The following RSPH14 variants were observed in gnomAD, a reference collection of about 807,000 sequenced individuals.
The protein encoded by RSPH14 is radial spoke head 14 homolog, also known as rhabdoid tumor deletion region gene 1.
In RSPH14, 20 loss-of-function variants were observed where a neutral mutation model predicts 26.7. The ratio of observed to expected loss-of-function variants is 0.75; its 90% confidence interval spans 0.53 to 1.09. The LOEUF (loss-of-function observed/expected upper bound fraction) is 1.09. Among genes scored for constraint, RSPH14 ranks in the 50% least tolerant of loss-of-function variants. RSPH14 has a pLI of 0.00. For missense variants in RSPH14, 449 were observed against 457.2 expected (o/e 0.98, Z 0.16); for synonymous variants, 177 against 189.3 (o/e 0.93, Z 0.53).
the RSPH14 span, among the ~76,000 whole-genome samples, chr22:23,157,343 C>T: frequency 2.0e-5 from 3 of 152,062 alleles, no homozygotes; most frequent in South Asian, 2.1e-4. Flanking sequence ...CTCCGCCTCC[C>T]GCATTCACAA....
rs2069823822 is a variant in RSPH14, at chr22:23,116,043, AAAC to A, written c.421+17980_421+17982del. 3.3e-5 allele frequency among the ~76,000 whole-genome samples: 5 copies of A among 152,370 alleles called. No homozygotes were observed. In the South Asian group the frequency reaches 1.0e-3, roughly 32 times the overall value. ...CCTGAGGCCGCTGGGGTCCCACAGC[AAAC>A]AACAAAACAGTCAAACAGGTGCCAG... is the stretch of plus-strand genomic sequence containing the variant. On this transcript the variant is annotated intron_variant, in intron 4 of 6. Coordinates refer to ENST00000216036, the MANE Select transcript of RSPH14 (RefSeq NM_014433.3).
At chr22:23,174,192 A>T in the RSPH14 span, among the ~76,000 whole-genome samples, 1 of 151,998 alleles carries the variant, frequency 6.6e-6, no homozygotes, top group Non-Finnish European at 1.5e-5. Flanking sequence ...CCTAGGAACC[A>T]CTTGGGCTGC....
intron 4 of RSPH14, among the ~76,000 whole-genome samples, chr22:23,098,775 G>A (rs537180400): frequency 3.3e-5 from 5 of 152,334 alleles, no homozygotes; most frequent in East Asian, 1.9e-4. Flanking sequence ...ATCCCCTCCC[G>A]CGATTCCTCC....
chr22:23,101,010 G>A (rs2069286449), intron 4 of RSPH14, among the ~76,000 whole-genome samples: 1 of 152,222 alleles, frequency 6.6e-6, no homozygotes, highest in Admixed American at 6.5e-5. Context: ...ATGGCGTGTT[G>A]TGGGTGAAAC....
chr22:23,092,708 C>T (rs2069016714), intron 4 of RSPH14, among the ~76,000 whole-genome samples: 1 of 152,226 alleles, frequency 6.6e-6, no homozygotes. Context: ...AGCCCAGTGT[C>T]CCCAACCTGC....
At chr22:23,116,890 GA>G (rs2069854788) in intron 4 of RSPH14, among the ~76,000 whole-genome samples, 2 of 152,324 alleles carry the variant, frequency 1.3e-5, no homozygotes, top group South Asian at 4.1e-4. Context: ...CCGCACCTGG[GA>G]GGGGGACAGG....
chr22:23,070,065 C>A (rs895246934), intron 4 of RSPH14, among the ~76,000 whole-genome samples: 5 of 152,292 alleles, frequency 3.3e-5, no homozygotes, highest in African/African-American at 7.2e-5. Flanking sequence ...GGCCTCAGCG[C>A]AGCGGAGTCG....
intron 4 of RSPH14, among the ~76,000 whole-genome samples, chr22:23,086,383 C>T (rs988364000): frequency 1.3e-5 from 2 of 152,218 alleles, no homozygotes; most frequent in African/African-American, 2.4e-5. Context: ...CATGAGATGA[C>T]GTGTGTGAGC....
the RSPH14 span, chr22:23,180,037 T>C: frequency 2.7e-6 from 1 of 367,936 alleles, no homozygotes; most frequent in Non-Finnish European, 5.1e-6. Context: ...CTTATGGCAC[T>C]GCGGCGTGGT....
chr22:23,116,289 G>A (rs1311714872), intron 4 of RSPH14, among the ~76,000 whole-genome samples: 2 of 152,264 alleles, frequency 1.3e-5, no homozygotes, highest in East Asian at 3.9e-4. Context: ...AGGTGGAGCT[G>A]CGGGTGCAGA....
chr22:23,117,573 G>A lies in RSPH14; in HGVS notation c.421+16453C>T, dbSNP rs1253565689. ...GATGAGACCTCGCAGGTGAGAGGAC[G>A]TCCCAGTGCCAAGGCGAATCACAGT... On this transcript the variant is annotated intron_variant, in intron 4 of 6. Coordinates refer to ENST00000216036, the MANE Select transcript of RSPH14 (RefSeq NM_014433.3). Among the ~76,000 whole-genome samples, 5 of 152,358 alleles carry A rather than the reference G, an allele frequency of 3.3e-5. No individual in the cohort carries two copies. The East Asian group carries it at 7.7e-4, about 24-fold the overall frequency.
At chr22:23,160,454 G>C in the RSPH14 span, among the ~76,000 whole-genome samples, 54 of 152,342 alleles carry the variant, frequency 3.5e-4, 1 homozygote, top group South Asian at 0.011. Context: ...CCATGTGGGG[G>C]CTGACAGCAA....
intron 6 of RSPH14, 110 bp downstream of exon 6, chr22:23,061,699 T>TTG: frequency 7.3e-7 from 1 of 1,377,350 alleles, no homozygotes; most frequent in Admixed American, 2.4e-5. Flanking sequence ...TTTTTTTTTT[T>TTG]GCAAAGTGTG....
Position 23,123,676 on chromosome 22 carries a change from T to C in RSPH14, c.421+10350A>G, listed in dbSNP as rs1480032964. The C allele has an allele frequency of 5.6e-6, 3 of 533,000 alleles. No individual in the cohort carries two copies. In the African/African-American group the frequency reaches 5.7e-5, roughly 10 times the overall value. 33.0% of individuals were successfully genotyped at this position (533,000 alleles called of 1,614,324 possible). On this transcript the variant is annotated intron_variant, in intron 4 of 6. Transcript: ENST00000216036. ...CTGGAGATGGCAAAATCCTCTAAAA[T>C]GTCGAGGTCTCTTGAAGACTTGAGA...
chr22:23,095,744 C>G, intron 4 of RSPH14: 1 of 1,612,494 alleles, frequency 6.2e-7, no homozygotes, highest in Non-Finnish European at 8.5e-7. Context: ...CCGGCGGTCC[C>G]GGAGAATTGA....
intron 4 of RSPH14, among the ~76,000 whole-genome samples, chr22:23,118,730 A>G (rs528631789): frequency 1.1e-4 from 16 of 152,320 alleles, no homozygotes; most frequent in Admixed American, 4.6e-4. Context: ...CTGCAGGACA[A>G]GGGGGTGATG....
chr22:23,064,838 C>A (rs1363788358), intron 4 of RSPH14, among the ~76,000 whole-genome samples: 3 of 152,176 alleles, frequency 2.0e-5, no homozygotes, highest in African/African-American at 7.2e-5. Flanking sequence ...ACAGGCCCCA[C>A]CTGGCTCCTC....
At chr22:23,161,131 C>A in the RSPH14 span, 1 of 1,141,780 alleles carries the variant, frequency 8.8e-7, no homozygotes, top group Non-Finnish European at 1.2e-6. Context: ...ACCCTCCTCT[C>A]AGGGTGTCAC....
intron 4 of RSPH14, among the ~76,000 whole-genome samples, chr22:23,121,720 CTT>C (rs10598505): frequency 0.44 from 53,289 of 122,284 alleles, 10,600 homozygotes; most frequent in Middle Eastern, 0.52. Flanking sequence ...AGAAAAGTTC[CTT>C]TTTTTTTTTT....
Sources: gnomAD v4.1 joint callset for allele counts (sites outside exome capture counted in the v4.1 genomes callset) on GRCh38, gnomAD v4.1.1 for gene constraint, MANE v1.5 for transcripts, NCBI Gene and HGNC (gene_info 2026-07-23, HGNC 2026-07-21) for gene names.